MROH2B: variants seen among roughly 807,000 people sequenced by gnomAD.
The protein encoded by MROH2B is maestro heat like repeat family member 2B.
MROH2B carries 177 observed loss-of-function variants against 208.6 expected under a neutral mutation model. That is an observed-to-expected ratio of 0.85 (90% confidence interval 0.75 to 0.96). MROH2B has a LOEUF of 0.96. Among genes scored for constraint, MROH2B ranks in the 40% least tolerant of loss-of-function variants. The probability of loss-of-function intolerance (pLI) is 0.00; values close to 1 mark genes in which losing one functional copy is unlikely to be tolerated. For missense variants in MROH2B, 2,002 were observed against 1,878.7 expected, an observed-to-expected ratio of 1.07 and a Z score of -1.21; for synonymous variants, 728 against 659.0, an observed-to-expected ratio of 1.10 and a Z score of -1.60.
intron 29 of MROH2B, among the ~76,000 whole-genome samples, chr5:41,014,498 A>G (rs1325441142): frequency 6.6e-6 from 1 of 152,152 alleles, no homozygotes; most frequent in Non-Finnish European, 1.5e-5. Context: ...ATGATGAGTT[A>G]ATGGGTGCAG....
intron 3 of MROH2B, among the ~76,000 whole-genome samples, chr5:41,066,224 G>A (rs1468818080): frequency 6.6e-6 from 1 of 152,180 alleles, no homozygotes; most frequent in African/African-American, 2.4e-5. Flanking sequence ...TATTGGGAAA[G>A]ATTTCTGATT....
intron 37 of MROH2B, 85 bp downstream of exon 37, chr5:41,004,261 T>C: frequency 6.8e-7 from 1 of 1,480,888 alleles, no homozygotes; most frequent in South Asian, 1.3e-5. Flanking sequence ...GGTGGGACAC[T>C]GACAATGTCT....
intron 18 of MROH2B, 37 bp from the exon 19 acceptor site, chr5:41,042,245 T>A: frequency 7.7e-7 from 1 of 1,297,614 alleles, no homozygotes; most frequent in Non-Finnish European, 1.1e-6. Flanking sequence ...ATTTTAAGGG[T>A]TGGAAAGCAA....
At chr5:41,026,720 G>A (rs918233609) in intron 24 of MROH2B, among the ~76,000 whole-genome samples, 10 of 152,102 alleles carry the variant, frequency 6.6e-5, no homozygotes, top group East Asian at 1.9e-4. Flanking sequence ...AAAAGGGCCC[G>A]CATTGCCAAG....
chr5:41,037,251 A>C (rs1742795947), intron 21 of MROH2B, among the ~76,000 whole-genome samples: 1 of 152,168 alleles, frequency 6.6e-6, no homozygotes, highest in Admixed American at 6.6e-5. Context: ...CACGCTTAAA[A>C]AAAATAGTTT....
In MROH2B at chr5:41,015,308, G is replaced by A. The variant is rs983037303; in HGVS notation, c.2982+73C>T. The A allele has an allele frequency of 3.1e-6, 4 of 1,286,642 alleles. No individual in the cohort carries two copies. The African/African-American group carries it at 5.9e-5, about 19-fold the overall frequency. 79.7% of individuals were successfully genotyped at this position (1,286,642 alleles called of 1,614,324 possible). A position where few individuals can be genotyped will look rare whatever the true frequency, so the allele number is the denominator to read the frequency against. ...TTGAATATCTATCTTCTTTGCAGTG[G>A]GGAGTATGTAGCTTACTCATTTGGA... is the stretch of plus-strand genomic sequence containing the variant. On this transcript the variant is annotated intron_variant, in intron 29 of 41. Transcript: ENST00000399564.
At chr5:41,025,867 C>G (rs1287178465) in intron 24 of MROH2B, among the ~76,000 whole-genome samples, 1 of 152,222 alleles carries the variant, frequency 6.6e-6, no homozygotes, top group Non-Finnish European at 1.5e-5. Flanking sequence ...CCCAGGGATG[C>G]AAGGCTGGTT....
chr5:41,067,322 C>T, intron 2 of MROH2B, 104 bp from the exon 3 acceptor site: 1 of 647,458 alleles, frequency 1.5e-6, no homozygotes, highest in Non-Finnish European at 2.8e-6. Context: ...TATATCTTTA[C>T]TACACAATGG....
intron 5 of MROH2B, among the ~76,000 whole-genome samples, chr5:41,062,478 CG>C (rs987632032): frequency 8.5e-5 from 13 of 152,156 alleles, no homozygotes; most frequent in African/African-American, 3.1e-4. Context: ...TTCTGATTTG[CG>C]TGATTTTCTG....
At position 41,055,736 on chromosome 5, in the gene MROH2B, G is replaced by T; in HGVS notation, c.1033+6C>A. On this transcript the variant is annotated splice_donor_region_variant and intron_variant, in intron 10 of 41. Coordinates refer to ENST00000399564, the MANE Select transcript of MROH2B (RefSeq NM_173489.5). The stretch of plus-strand genomic sequence containing the variant: ...AAACCATGTTGGCTTCAACCCTCTT[G>T]CTTACCATCAGCATTGACAGCCAAT... 1 of 1,608,200 alleles carries T rather than the reference G, an allele frequency of 6.2e-7. No individual in the cohort carries two copies.
At chr5:41,015,783 A>T (rs1741928291) in intron 28 of MROH2B, among the ~76,000 whole-genome samples, 2 of 152,240 alleles carry the variant, frequency 1.3e-5, no homozygotes, top group African/African-American at 4.8e-5. Context: ...GTGAATAAAA[A>T]TAGGAGAGTC....
In MROH2B at chr5:40,999,767, G is replaced by C. The variant is rs757009358; in HGVS notation, c.4495C>G (p.Gln1499Glu). The part of the protein sequence containing the change: ...QFCVKLAKKN[Q>E]EILWILHTHS... The stretch of plus-strand genomic sequence containing the variant: ...GTGTGGAGGATCCACAGAATTTCCT[G>C]GTTTTTCTTGGCCTAGAAGAGATGT... Residue 1499 changes from glutamine (Q) to glutamate (E), a missense_variant, in exon 40 of 42, where the codon CAG becomes GAG. Coordinates refer to ENST00000399564, the MANE Select transcript of MROH2B (RefSeq NM_173489.5). 6.2e-7 allele frequency: 1 copy of C among 1,613,238 alleles called. No individual in the cohort carries two copies.
intron 4 of MROH2B, among the ~76,000 whole-genome samples, chr5:41,064,945 T>C (rs1239922609): frequency 1.3e-5 from 2 of 152,210 alleles, no homozygotes; most frequent in Non-Finnish European, 2.9e-5. Flanking sequence ...ATCCCCAAAG[T>C]ATATGTAAAC....
intron 28 of MROH2B, among the ~76,000 whole-genome samples, chr5:41,016,474 G>T (rs1207418995): frequency 7.0e-6 from 1 of 143,806 alleles, no homozygotes; most frequent in Non-Finnish European, 1.5e-5. Flanking sequence ...TTCCCTACTG[G>T]CATATTTCTG....
intron 24 of MROH2B, among the ~76,000 whole-genome samples, chr5:41,022,404 C>T (rs1230029049): frequency 6.6e-6 from 1 of 151,986 alleles, no homozygotes; most frequent in Non-Finnish European, 1.5e-5. Flanking sequence ...GAGATTATAT[C>T]CCGCGCCTGG....
intron 10 of MROH2B, among the ~76,000 whole-genome samples, chr5:41,055,498 T>C (rs1004004512): frequency 6.7e-6 from 1 of 149,798 alleles, no homozygotes; most frequent in African/African-American, 2.5e-5. Context: ...GAACTTTAAT[T>C]CTCAAAAATT....
intron 24 of MROH2B, among the ~76,000 whole-genome samples, chr5:41,023,355 A>G (rs1490275614): frequency 6.6e-6 from 1 of 152,234 alleles, no homozygotes; most frequent in African/African-American, 2.4e-5. Flanking sequence ...AAATGACCTG[A>G]TGGAGCTGAA....
Position 41,010,092 on chromosome 5 carries a change from A to T in MROH2B, c.3136-13T>A, listed in dbSNP as rs752901317. 1.9e-6 allele frequency: 3 copies of T among 1,610,612 alleles called. No individual in the cohort carries two copies. The highest frequency in any genetic ancestry group is 3.4e-5 in the Admixed American group (2 of 59,386). On this transcript the variant is annotated splice_polypyrimidine_tract_variant and intron_variant, in intron 30 of 41. Coordinates refer to ENST00000399564, the MANE Select transcript of MROH2B (RefSeq NM_173489.5). ...AGATCTCCAATAGCTAAAGAGAAAA[A>T]AGCCAAGTCAAACATTAAGTTGCCA...
At chr5:41,018,837 G>C (rs1432204679) in intron 25 of MROH2B, 46 bp downstream of exon 25, 2 of 1,613,710 alleles carry the variant, frequency 1.2e-6, no homozygotes, top group Admixed American at 1.7e-5. Flanking sequence ...AGAGAGTAAG[G>C]CCCCACTGCA....
Sources: allele counts gnomAD v4.1 joint callset (sites outside exome capture counted in the v4.1 genomes callset), GRCh38; gene constraint gnomAD v4.1.1; transcripts MANE v1.5; gene names NCBI Gene and HGNC (gene_info 2026-07-23, HGNC 2026-07-21).